CSMD1: variants seen among roughly 807,000 people sequenced by gnomAD.
CSMD1 encodes CUB and Sushi multiple domains 1, also known as CUB and sushi domain-containing protein 1.
In CSMD1, 213 loss-of-function variants were observed where a neutral mutation model predicts 417.5. That is an observed-to-expected ratio of 0.51 (90% CI 0.46 to 0.57). CSMD1 has a LOEUF of 0.57. Among genes scored for constraint, CSMD1 ranks in the 20% least tolerant of loss-of-function variants. CSMD1 has a pLI of 0.00. For synonymous variants in CSMD1, 2,862 were observed against 1,736.8 expected, an observed-to-expected ratio of 1.65 and a Z score of -16.11; for missense variants, 6,923 against 4,529.7, an observed-to-expected ratio of 1.53 and a Z score of -15.17.
At chr8:4,089,665 T>A (rs1800610709) in intron 3 of CSMD1, among the ~76,000 whole-genome samples, 1 of 152,196 alleles carries the variant, frequency 6.6e-6, no homozygotes, top group Non-Finnish European at 1.5e-5. Flanking sequence ...TTAATGGGCT[T>A]AGTAAAGTGC....
At chr8:4,731,083 C>G (rs1430352633) in intron 1 of CSMD1, among the ~76,000 whole-genome samples, 1 of 152,132 alleles carries the variant, frequency 6.6e-6, no homozygotes, top group Non-Finnish European at 1.5e-5. Flanking sequence ...TGAGAGAGAC[C>G]ATTACCAGCT....
chr8:4,181,411 C>G (rs1269114444), intron 3 of CSMD1, among the ~76,000 whole-genome samples: 1 of 151,554 alleles, frequency 6.6e-6, no homozygotes, highest in Non-Finnish European at 1.5e-5. Flanking sequence ...GTTCTCCAAT[C>G]TTTTGGCTTC....
chr8:4,936,108 T>G (rs868817752), intron 1 of CSMD1, among the ~76,000 whole-genome samples: 1 of 152,182 alleles, frequency 6.6e-6, no homozygotes, highest in Non-Finnish European at 1.5e-5. Flanking sequence ...GTAATTACAG[T>G]TATAAAAATG....
Position 3,297,630 on chromosome 8 carries a change from T to C in CSMD1, c.3950+10065A>G, listed in dbSNP as rs1804063298. On this transcript the variant is annotated intron_variant, in intron 25 of 69. Coordinates refer to ENST00000635120, the MANE Select transcript of CSMD1 (RefSeq NM_033225.6). ...GACAAAAATCTGTGACACTTCAGTCTCCATACTGTACACAAAAATTTATCC... is the reference window on the plus strand; with the variant it reads ...GACAAAAATCTGTGACACTTCAGTCCCCATACTGTACACAAAAATTTATCC... 2.6e-5 allele frequency among the ~76,000 whole-genome samples: 4 copies of C among 152,308 alleles called. No individual in the cohort carries two copies. In the South Asian group the frequency reaches 8.3e-4, roughly 32 times the overall value.
chr8:4,975,511 C>T (rs755069445), intron 1 of CSMD1, among the ~76,000 whole-genome samples: 24 of 152,208 alleles, frequency 1.6e-4, no homozygotes, highest in Middle Eastern at 3.4e-3. Context: ...AAGCAAAAGG[C>T]CAAATCACTT....
chr8:3,903,211 C>T (rs1306421112), intron 5 of CSMD1, among the ~76,000 whole-genome samples: 2 of 152,064 alleles, frequency 1.3e-5, no homozygotes, highest in Admixed American at 1.3e-4. Flanking sequence ...TGTGACTCTG[C>T]ACCAGTGGCC....
chr8:4,413,744 C>G (rs1032595790), intron 3 of CSMD1, among the ~76,000 whole-genome samples: 8 of 151,960 alleles, frequency 5.3e-5, no homozygotes, highest in African/African-American at 1.2e-4. Flanking sequence ...AGCTAGTGTT[C>G]AAAACCCCTG....
At position 4,189,599 on chromosome 8, in the gene CSMD1, G is replaced by C. The variant is rs191183598; in HGVS notation, c.416-157500C>G. Among the ~76,000 whole-genome samples, 69 of 152,258 alleles carry C rather than the reference G, an allele frequency of 4.5e-4. 1 individual carries two copies. The highest frequency in any genetic ancestry group is 1.3e-3 in the African/African-American group (52 of 41,570). On this transcript the variant is annotated intron_variant, in intron 3 of 69. Transcript: ENST00000635120. ...TGCATGATACTATGTTAGTTGATTA[G>C]TTTTTGGAAAATGGCAAAGACCCCT... is the stretch of plus-strand genomic sequence containing the variant.
At chr8:4,893,744 G>C (rs1346535001) in intron 1 of CSMD1, among the ~76,000 whole-genome samples, 1 of 151,976 alleles carries the variant, frequency 6.6e-6, no homozygotes, top group Non-Finnish European at 1.5e-5. Context: ...TACTTGCTTT[G>C]TTTCATTAAT....
intron 6 of CSMD1, among the ~76,000 whole-genome samples, chr8:3,743,737 G>A (rs370563937): frequency 5.8e-4 from 88 of 152,192 alleles, no homozygotes; most frequent in African/African-American, 2.1e-3. Context: ...TTACTCCCAG[G>A]TGTTTCTGTT....
intron 1 of CSMD1, among the ~76,000 whole-genome samples, chr8:4,964,378 G>C (rs1002955967): frequency 5.3e-5 from 8 of 151,618 alleles, no homozygotes; most frequent in African/African-American, 1.7e-4. Flanking sequence ...AATAAGCCGG[G>C]TCTAGTGGCA....
intron 1 of CSMD1, among the ~76,000 whole-genome samples, chr8:4,654,007 G>T (rs983144121): frequency 1.3e-5 from 2 of 152,014 alleles, no homozygotes; most frequent in African/African-American, 2.4e-5. Context: ...TATAAAGGTT[G>T]GTTGTAAACC....
chr8:2,950,385 T>C (rs959891094), intron 66 of CSMD1, 42 bp from the exon 67 acceptor site: 2 of 1,209,166 alleles, frequency 1.7e-6, no homozygotes, highest in Non-Finnish European at 2.5e-6. Context: ...TGGAGAAAGT[T>C]AGTAATTCAG....
chr8:3,031,956 A>C (rs1418344413), intron 50 of CSMD1, among the ~76,000 whole-genome samples: 1 of 137,714 alleles, frequency 7.3e-6, no homozygotes, highest in East Asian at 2.1e-4. Flanking sequence ...ATTAGACACT[A>C]TATGTGTGTA....
intron 7 of CSMD1, among the ~76,000 whole-genome samples, chr8:3,641,689 G>A (rs535953491): frequency 5.9e-5 from 9 of 152,264 alleles, no homozygotes; most frequent in African/African-American, 2.2e-4. Context: ...AACAGAGGGG[G>A]CCAGGAGCTC....
chr8:3,095,613 A>G (rs1815242760), intron 47 of CSMD1, among the ~76,000 whole-genome samples: 1 of 152,230 alleles, frequency 6.6e-6, no homozygotes, highest in Non-Finnish European at 1.5e-5. Flanking sequence ...TCAACTCAGT[A>G]AAGTGAATAC....
chr8:3,603,023 G>A (rs550522484), intron 8 of CSMD1, among the ~76,000 whole-genome samples: 1 of 152,158 alleles, frequency 6.6e-6, no homozygotes, highest in Admixed American at 6.5e-5. Flanking sequence ...TATTCCACCA[G>A]CCCTATTTGG....
chr8:4,006,783 C>G (rs974527804), intron 4 of CSMD1, among the ~76,000 whole-genome samples: 4 of 148,532 alleles, frequency 2.7e-5, no homozygotes, highest in African/African-American at 9.9e-5. Flanking sequence ...TATCACCATT[C>G]ATATTTCTTT....
At chr8:3,802,655 CACTTT>C (rs1326378453) in intron 5 of CSMD1, among the ~76,000 whole-genome samples, 4 of 152,132 alleles carry the variant, frequency 2.6e-5, no homozygotes, top group Non-Finnish European at 5.9e-5. Context: ...ATGAGCTTGT[CACTTT>C]ACTTCTCTAC....
Sources: gnomAD v4.1 joint callset for allele counts (sites outside exome capture counted in the v4.1 genomes callset) on GRCh38, gnomAD v4.1.1 for gene constraint, MANE v1.5 for transcripts, NCBI Gene and HGNC (gene_info 2026-07-23, HGNC 2026-07-21) for gene names.